Variants in IVNS1ABP observed in about 807,000 individuals in gnomAD.
The protein encoded by IVNS1ABP is influenza virus NS1A-binding protein.
IVNS1ABP carries 25 observed loss-of-function variants against 78.9 expected under a neutral mutation model. The observed-to-expected ratio is 0.32, with a 90% CI of 0.23 to 0.44. IVNS1ABP has a LOEUF of 0.44. Ranked by LOEUF, IVNS1ABP falls within the 20% of genes least tolerant of loss-of-function variation. IVNS1ABP has a pLI of 1.00. For synonymous variants in IVNS1ABP, 241 were observed against 259.7 expected, an observed-to-expected ratio of 0.93 and a Z score of 0.69; for missense variants, 494 against 768.9, an observed-to-expected ratio of 0.64 and a Z score of 4.23.
intron 7 of IVNS1ABP, chr1:185,306,470 T>C: frequency 1.6e-6 from 2 of 1,289,022 alleles, no homozygotes; most frequent in East Asian, 5.6e-5. Context: ...AAGAATCCTG[T>C]AAAGGAGTAA....
In IVNS1ABP at chr1:185,305,104, A is replaced by G. The variant is rs888892198; in HGVS notation, c.765+432T>C. 3.9e-5 allele frequency among the ~76,000 whole-genome samples: 6 copies of G among 152,124 alleles called. No homozygotes were observed. The highest frequency in any genetic ancestry group is 8.8e-5 in the Non-Finnish European group (6 of 68,020). Reference sequence around the variant, plus strand: ...TTACATTGTATAGTCCATCTTAACTATACCATTTCTAATTTCCAGTAAGAC... The same window carrying G: ...TTACATTGTATAGTCCATCTTAACTGTACCATTTCTAATTTCCAGTAAGAC... On this transcript the variant is annotated intron_variant, in intron 8 of 14. Coordinates refer to ENST00000367498, the MANE Select transcript of IVNS1ABP (RefSeq NM_006469.5). The surrounding 1 kb of genome is among the most constrained non-coding windows in gnomAD (Gnocchi z 4.0).
chr1:185,315,449 C>T (rs1216064201), intron 1 of IVNS1ABP, among the ~76,000 whole-genome samples: 1 of 152,142 alleles, frequency 6.6e-6, no homozygotes, highest in Non-Finnish European at 1.5e-5. Context: ...TATTAGTTAA[C>T]CAGAGATATC....
Position 185,306,380 on chromosome 1 carries a change from T to C in IVNS1ABP, c.657+634A>G, listed in dbSNP as rs1359099313. On this transcript the variant is annotated intron_variant, in intron 7 of 14. Transcript: ENST00000367498. Reference sequence around the variant, plus strand: ...TTCTCCATCAATTTTATCTTGTGTATTTTTTTTAAAAGTAGCCCAAGTTAA... The same window carrying C: ...TTCTCCATCAATTTTATCTTGTGTACTTTTTTTAAAAGTAGCCCAAGTTAA... 1.9e-5 allele frequency: 17 copies of C among 900,378 alleles called. 1 individual carries two copies. In the East Asian group the frequency reaches 3.2e-4, roughly 17 times the overall value. The allele number at this position is 900,378 out of a possible 1,614,324, so 55.8% of individuals were successfully genotyped here.
Position 185,297,950 on chromosome 1 carries a change from C to T in IVNS1ABP, c.*85G>A, listed in dbSNP as rs1050710074. The T allele has an allele frequency of 6.8e-6, 9 of 1,332,556 alleles. No homozygotes were observed. Among genetic ancestry groups the T allele is most frequent in the Non-Finnish European group, 9.4e-6 (9 of 954,458 alleles). The allele number at this position is 1,332,556 out of a possible 1,614,324, so 82.5% of individuals were successfully genotyped here. On this transcript the variant is annotated 3_prime_UTR_variant, in exon 15 of 15. Transcript: ENST00000367498. ...TGTTGCTGTTAGCAACATCTATACC[C>T]ACCCACCCTCTTTATTCACAAGTGT... is the stretch of plus-strand genomic sequence containing the variant.
intron 14 of IVNS1ABP, 174 bp downstream of exon 14, chr1:185,299,536 G>A (rs901387818): frequency 1.5e-6 from 1 of 658,504 alleles, no homozygotes; most frequent in Non-Finnish European, 2.7e-6. Context: ...ATAAGTCTTT[G>A]ATTAGAAAAT....
chr1:185,301,339 T>C (rs749652095), intron 9 of IVNS1ABP, 95 bp downstream of exon 9: 93 of 1,500,096 alleles, frequency 6.2e-5, no homozygotes, highest in Non-Finnish European at 8.3e-5. Context: ...CTGAGTTTTT[T>C]CCTCGAGTAG....
chr1:185,307,162 CA>C, intron 6 of IVNS1ABP, 23 bp from the exon 7 acceptor site: 1 of 1,612,506 alleles, frequency 6.2e-7, no homozygotes, highest in Non-Finnish European at 8.5e-7. Flanking sequence ...AAAACAATGA[CA>C]TGGATCAGTG....
chr1:185,309,664 A>G (rs1184117513), intron 2 of IVNS1ABP, among the ~76,000 whole-genome samples, 153 bp from the exon 3 acceptor site: 2 of 152,196 alleles, frequency 1.3e-5, no homozygotes, highest in Non-Finnish European at 2.9e-5. Flanking sequence ...CTGAAACAAC[A>G]CCTGTGTTGA....
In IVNS1ABP at chr1:185,312,380, C is replaced by T. The variant is rs185711716; in HGVS notation, c.-246-1058G>A. ...ACTAAGGAATAACTTACCTGAAATA[C>T]GTGCAAATATATTCATTTTTATGGA... On this transcript the variant is annotated intron_variant, in intron 1 of 14. Coordinates refer to ENST00000367498, the MANE Select transcript of IVNS1ABP (RefSeq NM_006469.5). 2.4e-3 allele frequency among the ~76,000 whole-genome samples: 363 copies of T among 152,298 alleles called. 1 individual carries two copies. The highest frequency in any genetic ancestry group is 4.6e-3 in the South Asian group (22 of 4,830).
chr1:185,303,847 A>G (rs1665664571), intron 8 of IVNS1ABP, among the ~76,000 whole-genome samples: 1 of 152,136 alleles, frequency 6.6e-6, no homozygotes, highest in Non-Finnish European at 1.5e-5. Context: ...ATTCCAGCCC[A>G]AAGACTGCCA....
intron 1 of IVNS1ABP, among the ~76,000 whole-genome samples, chr1:185,316,492 G>A (rs531814401): frequency 1.3e-5 from 2 of 152,244 alleles, no homozygotes; most frequent in African/African-American, 2.4e-5. Flanking sequence ...TCTTCCAGAA[G>A]AGAATCCCAA....
chr1:185,296,762 TC>T lies in IVNS1ABP; in HGVS notation c.*1272del, dbSNP rs1373538691. The T allele has an allele frequency of 1.2e-4, 18 of 152,166 alleles. No homozygotes were observed. The highest frequency in any genetic ancestry group is 4.3e-4 in the African/African-American group (18 of 41,460). 9.4% of individuals were successfully genotyped at this position (152,166 alleles called of 1,614,324 possible). On this transcript the variant is annotated 3_prime_UTR_variant, in exon 15 of 15. Coordinates refer to ENST00000367498, the MANE Select transcript of IVNS1ABP (RefSeq NM_006469.5). ...TTCTGTGAGAAAAAAAAACCTTATA[TC>T]ATTCCTTATTTCAGATGTAAGATGC...
chr1:185,306,369 T>G (rs1665740951), intron 7 of IVNS1ABP: 4 of 844,162 alleles, frequency 4.7e-6, no homozygotes, highest in Non-Finnish European at 6.5e-6. Context: ...CCATCAATTT[T>G]ATCTTGTGTA....
intron 9 of IVNS1ABP, 47 bp from the exon 10 acceptor site, chr1:185,301,243 G>T: frequency 1.3e-6 from 2 of 1,541,192 alleles, no homozygotes; most frequent in Non-Finnish European, 1.8e-6. Context: ...ATTACTTTTG[G>T]TTTGTGTATA....
Position 185,311,180 on chromosome 1 carries a change from T to C in IVNS1ABP, c.-104A>G. 1 of 389,224 alleles carries C rather than the reference T, an allele frequency of 2.6e-6. No individual in the cohort carries two copies. The highest frequency in any genetic ancestry group is 4.6e-6 in the Non-Finnish European group (1 of 219,728). 24.1% of individuals were successfully genotyped at this position (389,224 alleles called of 1,614,324 possible). ...TGTTAAAAGGTGCACTTCGTCAGGG[T>C]ATGAAGACAGGTGGTTGAAATGAAG... On this transcript the variant is annotated 5_prime_UTR_variant, in exon 2 of 15. In the 5' UTR this introduces an upstream ATG that the reference lacks. Transcript: ENST00000367498.
chr1:185,298,104 C>T lies in IVNS1ABP; in HGVS notation c.1860G>A (p.Leu620=). ...CAAGGTTATAGACTTCCACCGTATT[C>T]AGAAATTCATTGCCATCGAATCCTC... The part of the protein sequence containing the change: ...AVGGFDGNEF[L]NTVEVYNLES... Residue 620 remains leucine (L), a synonymous_variant, in exon 15 of 15, where the codon CTG becomes CTA. Coordinates refer to ENST00000367498, the MANE Select transcript of IVNS1ABP (RefSeq NM_006469.5). The surrounding 1 kb of genome is among the most constrained non-coding windows in gnomAD (Gnocchi z 4.1). 1 of 1,613,686 alleles carries T rather than the reference C, an allele frequency of 6.2e-7. No homozygotes were observed. Among genetic ancestry groups the T allele is most frequent in the Non-Finnish European group, 8.5e-7 (1 of 1,179,736 alleles).
At chr1:185,315,439 TA>T (rs1665990686) in intron 1 of IVNS1ABP, among the ~76,000 whole-genome samples, 1 of 152,222 alleles carries the variant, frequency 6.6e-6, no homozygotes, top group African/African-American at 2.4e-5. Flanking sequence ...AATTAGTATC[TA>T]TTAGTTAACC....
In IVNS1ABP at chr1:185,296,705, A is replaced by T. The variant is rs1393899826; in HGVS notation, c.*1330T>A. On this transcript the variant is annotated 3_prime_UTR_variant, in exon 15 of 15. Coordinates refer to ENST00000367498, the MANE Select transcript of IVNS1ABP (RefSeq NM_006469.5). ...CATCTCAGAATAGTCACCTCATCCC[A>T]GTTGGCCCATTAGGTTCCTGTGTGC... The T allele has an allele frequency of 6.6e-6, 1 of 152,124 alleles. No individual in the cohort carries two copies. The highest frequency in any genetic ancestry group is 1.5e-5 in the Non-Finnish European group (1 of 68,020). The allele number at this position is 152,124 out of a possible 1,614,324, so 9.4% of individuals were successfully genotyped here.
rs1417761345 is a variant in IVNS1ABP at position 185,308,856 on chromosome 1, A to G, written c.301T>C (p.Leu101=). 6.2e-7 allele frequency: 1 copy of G among 1,610,676 alleles called. No homozygotes were observed. Among genetic ancestry groups the G allele is most frequent in the African/African-American group, 1.3e-5 (1 of 74,890 alleles). Residue 101 remains leucine, a synonymous_variant, in exon 5 of 15, where the codon TTG becomes CTG. Coordinates refer to ENST00000367498, the MANE Select transcript of IVNS1ABP (RefSeq NM_006469.5). Reference sequence around the variant, plus strand: ...GCTGCAGAATAAACATCTTTTACCAATTCCTTATCTGCTTTCAACCTATTT... The same window carrying G: ...GCTGCAGAATAAACATCTTTTACCAGTTCCTTATCTGCTTTCAACCTATTT... ...YTAQLKADKE[L]VKDVYSAAKK...
Sources: allele counts gnomAD v4.1 joint callset (sites outside exome capture counted in the v4.1 genomes callset), GRCh38; gene constraint gnomAD v4.1.1; non-coding constraint Gnocchi (gnomAD v3.1); transcripts MANE v1.5; gene names NCBI Gene and HGNC (gene_info 2026-07-23, HGNC 2026-07-21).